ARHGAP33: variants seen among roughly 807,000 people sequenced by gnomAD.
The protein encoded by ARHGAP33 is rho GTPase-activating protein 33.
In ARHGAP33, 57 loss-of-function variants were observed where a neutral mutation model predicts 126.2. The ratio of observed to expected loss-of-function variants is 0.45; its 90% CI spans 0.36 to 0.56. The LOEUF (loss-of-function observed/expected upper bound fraction) is 0.56, where lower values mean the gene tolerates loss of function less well. ARHGAP33 is among the 20% of genes least tolerant of loss of function. ARHGAP33 has a pLI of 0.00. For synonymous variants in ARHGAP33, 711 were observed against 755.0 expected (o/e 0.94, Z 0.95); for missense variants, 1,500 against 1,748.3 (o/e 0.86, Z 2.53).
At chr19:35,779,992 G>T in intron 6 of ARHGAP33, 1 of 680,420 alleles carries the variant, frequency 1.5e-6, no homozygotes, top group Non-Finnish European at 2.7e-6. Context: ...GGACATGTGA[G>T]GGGAAATAAA....
At position 35,777,639 on chromosome 19, in the gene ARHGAP33, C is replaced by T. The variant is rs1366784975; in HGVS notation, c.7-6C>T. 6.4e-7 allele frequency: 1 copy of T among 1,563,392 alleles called. No homozygotes were observed. Among genetic ancestry groups the T allele is most frequent in the East Asian group, 2.3e-5 (1 of 42,626 alleles). On this transcript the variant is annotated splice_region_variant and splice_polypyrimidine_tract_variant and intron_variant, in intron 1 of 20. Transcript: ENST00000007510. ...CTGGGGGCCTCTGATTCTTTCTGCT[C>T]TACAGGCACGCAGCACTGACAGCCT...
At chr19:35,777,600 C>G (rs1691673511) in intron 1 of ARHGAP33, 45 bp from the exon 2 acceptor site, 3 of 1,491,528 alleles carry the variant, frequency 2.0e-6, no homozygotes, top group Non-Finnish European at 1.8e-6. Context: ...CTCGTTGTCT[C>G]TTTGCTCCCA....
chr19:35,784,402 G>A (rs569678410), intron 16 of ARHGAP33, 85 bp downstream of exon 16: 20 of 1,448,036 alleles, frequency 1.4e-5, no homozygotes, highest in African/African-American at 2.9e-5. Context: ...TCCCAGTCCC[G>A]TCCCCACCCC....
chr19:35,786,551 C>T lies in ARHGAP33; in HGVS notation c.2081C>T (p.Ser694Phe), dbSNP rs1453642181. Residue 694 changes from serine (S) to phenylalanine (F), a missense_variant, in exon 20 of 21, where the codon TCC becomes TTC. By Grantham distance (155) the Ser-to-Phe change is radical. This residue lies in a region of ARHGAP33 where 300 missense variants were observed against 291.1 expected (regional missense o/e 1.03). Coordinates refer to ENST00000007510, the MANE Select transcript of ARHGAP33 (RefSeq NM_001366178.1). This position sits in a 1 kb window ranked among gnomAD's most constrained non-coding sequence, Gnocchi z 7.0. ...TCCTCCTCCTCTGAGTCCTCCTCTT[C>T]CTCCTCTGAGTCCTCAGCAGCTGGG... is the stretch of plus-strand genomic sequence containing the variant. ...SESSSSESSS[S>F]SSESSAAGLG... 3.9e-6 allele frequency: 6 copies of T among 1,536,186 alleles called. No homozygotes were observed. The highest frequency in any genetic ancestry group is 5.2e-6 in the Non-Finnish European group (6 of 1,146,878).
Position 35,786,962 on chromosome 19 carries a change from G to A in ARHGAP33, c.2492G>A (p.Ser831Asn), listed in dbSNP as rs1320664731. 6.2e-7 allele frequency: 1 copy of A among 1,610,692 alleles called. No individual in the cohort carries two copies. The highest frequency in any genetic ancestry group is 1.7e-5 in the Admixed American group (1 of 59,876). The change falls in exon 20 of 21, where the codon AGC (serine) becomes AAC (asparagine). Residue 831 changes from serine to asparagine, a missense_variant. By Grantham distance (46) the Ser-to-Asn change is conservative. Transcript: ENST00000007510. This position sits in a 1 kb window ranked among gnomAD's most constrained non-coding sequence, Gnocchi z 7.0. ...ACACCAGCTCTCAGCCCCGGCCGGA[G>A]CCTGCGCCCCCATCTCATACCCCTG... ...TPTPALSPGR[S>N]LRPHLIPLLL...
chr19:35,775,683 C>T lies in ARHGAP33; in HGVS notation c.6+19C>T, dbSNP rs769493485. 23 of 1,541,084 alleles carry T rather than the reference C, an allele frequency of 1.5e-5. No individual in the cohort carries two copies. Among genetic ancestry groups the T allele is most frequent in the Non-Finnish European group, 1.7e-5 (20 of 1,149,060 alleles). ...CATGGTGGTAAGGGTCCCACGCGGC[C>T]GTCAGCCTGTCCGTCCGGATGTCAG... is the stretch of plus-strand genomic sequence containing the variant. On this transcript the variant is annotated intron_variant, in intron 1 of 20. Transcript: ENST00000007510.
chr19:35,779,994 G>T (rs1405494027), intron 6 of ARHGAP33: 1 of 684,858 alleles, frequency 1.5e-6, no homozygotes. Context: ...ACATGTGAGG[G>T]GAAATAAAGG....
In ARHGAP33 at chr19:35,786,611, C is replaced by T; in HGVS notation, c.2141C>T (p.Thr714Ile). The T allele has an allele frequency of 2.6e-6, 4 of 1,535,916 alleles. No homozygotes were observed. Among genetic ancestry groups the T allele is most frequent in the Non-Finnish European group, 3.5e-6 (4 of 1,146,814 alleles). The part of the protein sequence containing the change: ...GALSGSPSHR[T>I]SAWLDDGDEL... The stretch of plus-strand genomic sequence containing the variant: ...CTCTCTGGGTCTCCCTCACACCGTA[C>T]CTCAGCCTGGCTAGATGATGGTGAT... Residue 714 changes from threonine to isoleucine, a missense_variant, in exon 20 of 21, where the codon ACC becomes ATC. Around this residue, in one of 6 missense-constraint regions of ARHGAP33, gnomAD observed 300 missense variants for 291.1 expected, o/e 1.03. Transcript: ENST00000007510. The surrounding 1 kb of genome is among the most constrained non-coding windows in gnomAD (Gnocchi z 7.0).
In ARHGAP33 at chr19:35,781,263, T is replaced by G; in HGVS notation, c.1085+11T>G. 4 of 1,613,796 alleles carry G rather than the reference T, an allele frequency of 2.5e-6. No homozygotes were observed. Among genetic ancestry groups the G allele is most frequent in the Non-Finnish European group, 3.4e-6 (4 of 1,179,716 alleles). On this transcript the variant is annotated intron_variant, in intron 12 of 20. Transcript: ENST00000007510. ...CATCCAGAGGCTTCGGTGAGGGCCC[T>G]TAGCCAACCCTGTCCTTCCACAGGC...
intron 3 of ARHGAP33, 96 bp from the exon 4 acceptor site, chr19:35,778,184 C>A: frequency 1.5e-6 from 2 of 1,330,190 alleles, no homozygotes; most frequent in South Asian, 1.2e-5. Flanking sequence ...TCGGGGAGGT[C>A]CAGAAGGGAG....
At position 35,786,079 on chromosome 19, in the gene ARHGAP33, T is replaced by C. The variant is rs1479870190; in HGVS notation, c.1943-334T>C. 14 of 1,197,148 alleles carry C rather than the reference T, an allele frequency of 1.2e-5. No individual in the cohort carries two copies. In the East Asian group the frequency reaches 4.4e-4, roughly 38 times the overall value. 74.2% of individuals were successfully genotyped at this position (1,197,148 alleles called of 1,614,324 possible). On this transcript the variant is annotated intron_variant, in intron 19 of 20. Coordinates refer to ENST00000007510, the MANE Select transcript of ARHGAP33 (RefSeq NM_001366178.1). This position sits in a 1 kb window ranked among gnomAD's most constrained non-coding sequence, Gnocchi z 7.0. Reference sequence around the variant, plus strand: ...CTTATCCACCCCACCCAGCCGTGCCTCTGGGGGCTCTTCTGAGCCACCGCG... The same window carrying C: ...CTTATCCACCCCACCCAGCCGTGCCCCTGGGGGCTCTTCTGAGCCACCGCG...
intron 15 of ARHGAP33, 133 bp from the exon 16 acceptor site, chr19:35,784,039 C>A (rs777921748): frequency 1.5e-6 from 1 of 677,130 alleles, no homozygotes. Flanking sequence ...GAGAGCCCAG[C>A]GAGGCGTGAT....
chr19:35,782,090 A>G lies in ARHGAP33; in HGVS notation c.1086-283A>G, dbSNP rs547805542. Among the ~76,000 whole-genome samples, 3 of 152,092 alleles carry G rather than the reference A, an allele frequency of 2.0e-5. No homozygotes were observed. Among genetic ancestry groups the G allele is most frequent in the African/African-American group, 7.2e-5 (3 of 41,404 alleles). ...AGGAGAATGGCAGCTGCATGGTAGG[A>G]GCTGCTCATGCTCTGGAGTCAGACA... On this transcript the variant is annotated intron_variant, in intron 12 of 20. Coordinates refer to ENST00000007510, the MANE Select transcript of ARHGAP33 (RefSeq NM_001366178.1). This position sits in a 1 kb window ranked among gnomAD's most constrained non-coding sequence, Gnocchi z 4.1.
rs189751869 is a variant in ARHGAP33, at chr19:35,787,917, T to G, written c.3352T>G (p.Ser1118Ala). The G allele has an allele frequency of 8.6e-6, 13 of 1,517,592 alleles. No individual in the cohort carries two copies. In the African/African-American group the frequency reaches 2.0e-4, roughly 24 times the overall value. The allele number at this position is 1,517,592 out of a possible 1,614,324, so 94.0% of individuals were successfully genotyped here. Residue 1118 changes from serine to alanine, a missense_variant, in exon 21 of 21, where the codon TCC becomes GCC. Ser to Ala is a moderately conservative substitution (Grantham distance 99). Coordinates refer to ENST00000007510, the MANE Select transcript of ARHGAP33 (RefSeq NM_001366178.1). ...RSMPPDRLNA[S>A]YGMLGQSPPL... ...CATGCCCCCCGACAGGCTCAATGCC[T>G]CCTACGGCATGCTTGGCCAATCACC... is the stretch of plus-strand genomic sequence containing the variant.
At chr19:35,785,980 T>A in intron 19 of ARHGAP33, 1 of 1,087,492 alleles carries the variant, frequency 9.2e-7, no homozygotes, top group Non-Finnish European at 1.1e-6. Flanking sequence ...ATGGGGAGCT[T>A]GGCTTTTTCT....
Position 35,780,741 on chromosome 19 carries a change from A to AT in ARHGAP33, c.770-11dup. 1 of 1,613,324 alleles carries AT rather than the reference A, an allele frequency of 6.2e-7. No homozygotes were observed. Among genetic ancestry groups the AT allele is most frequent in the Non-Finnish European group, 8.5e-7 (1 of 1,179,856 alleles). ...GCCTCCCACTCATCCCTTCCACCCCATTTTTCGCCTAGCAGATGCCGATGG... is the reference window on the plus strand; with the variant it reads ...GCCTCCCACTCATCCCTTCCACCCCATTTTTTCGCCTAGCAGATGCCGATGG... On this transcript the variant is annotated splice_polypyrimidine_tract_variant and intron_variant, in intron 9 of 20. Transcript: ENST00000007510.
chr19:35,788,771 A>C lies in ARHGAP33; in HGVS notation c.*342A>C. 7 of 245,554 alleles carry C rather than the reference A, an allele frequency of 2.9e-5. No homozygotes were observed. Among genetic ancestry groups the C allele is most frequent in the East Asian group, 7.9e-5 (1 of 12,700 alleles). 15.2% of individuals were successfully genotyped at this position (245,554 alleles called of 1,614,324 possible). A position where few individuals can be genotyped will look rare whatever the true frequency, so the allele number is the denominator to read the frequency against. On this transcript the variant is annotated 3_prime_UTR_variant, in exon 21 of 21. Coordinates refer to ENST00000007510, the MANE Select transcript of ARHGAP33 (RefSeq NM_001366178.1). Reference sequence around the variant, plus strand: ...ACAACTCCTACCCTTCTTTCCCCACATGCCCCACTAAACCATCTGACAACA... The same window carrying C: ...ACAACTCCTACCCTTCTTTCCCCACCTGCCCCACTAAACCATCTGACAACA...
At chr19:35,779,811 C>A (rs1457213461) in intron 6 of ARHGAP33, 1 of 419,350 alleles carries the variant, frequency 2.4e-6, no homozygotes, top group East Asian at 7.2e-5. Context: ...TGGGGTCAAG[C>A]AATTCTCCAG....
rs980561993 is a variant in ARHGAP33, at chr19:35,786,235, C to T, written c.1943-178C>T. ...GCCTGTGGGGCAGCCACAGGGCCTT[C>T]GTGCTTTGGGCCGGAAGTGTCCTCT... On this transcript the variant is annotated intron_variant, in intron 19 of 20. Transcript: ENST00000007510. This position sits in a 1 kb window ranked among gnomAD's most constrained non-coding sequence, Gnocchi z 7.0. 1.1e-5 allele frequency: 16 copies of T among 1,421,680 alleles called. No individual in the cohort carries two copies. Among genetic ancestry groups the T allele is most frequent in the African/African-American group, 7.2e-5 (5 of 69,390 alleles). 88.1% of individuals were successfully genotyped at this position (1,421,680 alleles called of 1,614,324 possible).
Sources: allele counts gnomAD v4.1 joint callset (sites outside exome capture counted in the v4.1 genomes callset), GRCh38; gene constraint gnomAD v4.1.1; regional missense constraint gnomAD v4.1.1; non-coding constraint Gnocchi (gnomAD v3.1); transcripts MANE v1.5; gene names NCBI Gene and HGNC (gene_info 2026-07-23, HGNC 2026-07-21).